The following BCR variants were observed in gnomAD, a reference collection of about 807,000 sequenced individuals.
BCR encodes breakpoint cluster region protein.
A neutral mutation model predicts 138.6 loss-of-function variants in BCR; 58 were observed. The ratio of observed to expected loss-of-function variants is 0.42; its 90% CI spans 0.34 to 0.52. The LOEUF is 0.52. Among genes scored for constraint, BCR ranks in the 20% least tolerant of loss-of-function variants. The pLI is 0.06. For missense variants in BCR, 1,599 were observed against 1,727.2 expected (o/e 0.93, Z 1.32); for synonymous variants, 786 against 730.1 (o/e 1.08, Z -1.23).
rs2073966604 is a variant in BCR, at chr22:23,307,835, C to T, written c.3013-1589C>T. ...GCTGAGCAGGTGCAGGGAGGGAGGCCCAGGTGCACACACCTGTGAAGTAGG... is the reference window on the plus strand; with the variant it reads ...GCTGAGCAGGTGCAGGGAGGGAGGCTCAGGTGCACACACCTGTGAAGTAGG... On this transcript the variant is annotated intron_variant, in intron 16 of 22. Coordinates refer to ENST00000305877, the MANE Select transcript of BCR (RefSeq NM_004327.4). 3 of 119,514 alleles carry T rather than the reference C, an allele frequency of 2.5e-5. No homozygotes were observed. In the Admixed American group the frequency reaches 2.8e-4, roughly 11 times the overall value. 7.4% of individuals were successfully genotyped at this position (119,514 alleles called of 1,614,324 possible).
chr22:23,304,359 A>G (rs560050357), intron 16 of BCR, among the ~76,000 whole-genome samples: 1 of 151,832 alleles, frequency 6.6e-6, no homozygotes, highest in South Asian at 2.1e-4. Context: ...TTTTTGACTG[A>G]TTTCCTCCAC....
At chr22:23,287,332 T>C in intron 11 of BCR, 54 bp downstream of exon 11, 4 of 1,482,356 alleles carry the variant, frequency 2.7e-6, no homozygotes, top group Admixed American at 2.4e-5. Flanking sequence ...GATGGGCTCC[T>C]GGTTGCCTAA....
intron 6 of BCR, among the ~76,000 whole-genome samples, chr22:23,272,591 C>T (rs1469266714): frequency 1.3e-5 from 2 of 152,070 alleles, no homozygotes; most frequent in African/African-American, 4.8e-5. Context: ...GGCAGGTCGC[C>T]AGAGAACCTG....
At position 23,266,750 on chromosome 22, in the gene BCR, C is replaced by T. The variant is rs143172258; in HGVS notation, c.1753-1658C>T. 1.8e-3 allele frequency among the ~76,000 whole-genome samples: 267 copies of T among 152,368 alleles called. 2 individuals are homozygous for T. The highest frequency in any genetic ancestry group is 6.8e-3 in the Middle Eastern group (2 of 294). On this transcript the variant is annotated intron_variant, in intron 4 of 22. Coordinates refer to ENST00000305877, the MANE Select transcript of BCR (RefSeq NM_004327.4). The stretch of plus-strand genomic sequence containing the variant: ...GCCAGTTTCCTCAGGAATAGCCTCA[C>T]GTTCTGCGTAACAGCACCACAGCAG...
intron 1 of BCR, among the ~76,000 whole-genome samples, chr22:23,209,030 C>T (rs541934084): frequency 6.6e-6 from 1 of 152,244 alleles, no homozygotes; most frequent in East Asian, 1.9e-4. Context: ...ACGTCATGTC[C>T]TCAAGGTTCA....
At chr22:23,237,373 C>T (rs948118044) in intron 1 of BCR, among the ~76,000 whole-genome samples, 6 of 152,170 alleles carry the variant, frequency 3.9e-5, no homozygotes, top group South Asian at 4.1e-4. Context: ...GCCTGGTTCC[C>T]GAGCCTGGCC....
chr22:23,221,216 C>T (rs935895810), intron 1 of BCR, among the ~76,000 whole-genome samples: 1 of 152,172 alleles, frequency 6.6e-6, no homozygotes, highest in Non-Finnish European at 1.5e-5. Flanking sequence ...TGGAAGATGA[C>T]CTGCTCATGC....
At chr22:23,252,432 CT>C (rs71200842) in intron 1 of BCR, among the ~76,000 whole-genome samples, 4,050 of 117,876 alleles carry the variant, frequency 0.034, 73 homozygotes, top group Admixed American at 0.06. Flanking sequence ...CTTTTCTTTT[CT>C]TTTTTTTTTT....
chr22:23,219,651 G>A (rs1282334091), intron 1 of BCR, among the ~76,000 whole-genome samples: 4 of 152,210 alleles, frequency 2.6e-5, no homozygotes, highest in Non-Finnish European at 5.9e-5. Context: ...CGGTGCGGGA[G>A]CACAGCTCCC....
intron 15 of BCR, among the ~76,000 whole-genome samples, chr22:23,292,923 C>A (rs555342646): frequency 6.6e-6 from 1 of 152,172 alleles, no homozygotes; most frequent in Non-Finnish European, 1.5e-5. Context: ...CCTTTGTTAG[C>A]GCTTATGTTT....
chr22:23,203,115 T>C (rs5759645), intron 1 of BCR, among the ~76,000 whole-genome samples: 71,193 of 151,906 alleles, frequency 0.47, 19,191 homozygotes, highest in East Asian at 0.91. Flanking sequence ...CCGCCTTGGC[T>C]TCTCCTGAAG....
intron 1 of BCR, among the ~76,000 whole-genome samples, chr22:23,226,049 G>A (rs955319934): frequency 2.0e-5 from 3 of 152,242 alleles, no homozygotes; most frequent in Non-Finnish European, 2.9e-5. Context: ...GGGACCTGCC[G>A]GAGCCTGGGT....
At chr22:23,254,844 C>T (rs2073275017) in intron 2 of BCR, among the ~76,000 whole-genome samples, 1 of 152,128 alleles carries the variant, frequency 6.6e-6, no homozygotes, top group African/African-American at 2.4e-5. Context: ...ATTACTTCCG[C>T]ACTCTGCTTA....
rs115663923 is a variant in BCR, at chr22:23,246,288, C to G, written c.1280-7511C>G. On this transcript the variant is annotated intron_variant, in intron 1 of 22. Coordinates refer to ENST00000305877, the MANE Select transcript of BCR (RefSeq NM_004327.4). Reference sequence around the variant, plus strand: ...AAAAAGAAAAAAAAAATTATTTTAGCTGGACATAATGGCACACACCTGTAA... The same window carrying G: ...AAAAAGAAAAAAAAAATTATTTTAGGTGGACATAATGGCACACACCTGTAA... Among the ~76,000 whole-genome samples the G allele has an allele frequency of 3.4e-3, 516 of 152,236 alleles. 4 individuals are homozygous for G. The highest frequency in any genetic ancestry group is 0.012 in the African/African-American group (484 of 41,528).
At chr22:23,288,770 C>T (rs922680475) in intron 12 of BCR, among the ~76,000 whole-genome samples, 3 of 152,204 alleles carry the variant, frequency 2.0e-5, no homozygotes, top group African/African-American at 4.8e-5. Context: ...CCTTCCTTCT[C>T]TGGGCACTTC....
At chr22:23,209,347 G>A (rs1480327902) in intron 1 of BCR, among the ~76,000 whole-genome samples, 2 of 151,274 alleles carry the variant, frequency 1.3e-5, no homozygotes, top group African/African-American at 4.9e-5. Context: ...GCTACAGAGT[G>A]AGACTCTGTC....
chr22:23,201,576 G>A (rs1279369688), intron 1 of BCR, among the ~76,000 whole-genome samples: 2 of 152,098 alleles, frequency 1.3e-5, no homozygotes, highest in Non-Finnish European at 2.9e-5. Context: ...TCCTGCCTCC[G>A]CCTCCTGAGT....
Position 23,315,479 on chromosome 22 carries a change from C to G in BCR, c.3773C>G (p.Pro1258Arg). ...YFLQLEAIPA[P>R]DSKRQSILFS... ...CTGCAGCTGGAGGCCATCCCTGCCC[C>G]GGACAGCAAGAGACAGAGCATCCTG... The change falls in exon 23 of 23, where the codon CCG becomes CGG. Residue 1258 changes from proline to arginine, a missense_variant. Physicochemically the swap from Pro to Arg is moderately radical, Grantham distance 103. Around this residue, in one of 4 missense-constraint regions of BCR, gnomAD observed 177 missense variants for 226.4 expected, o/e 0.78. Coordinates refer to ENST00000305877, the MANE Select transcript of BCR (RefSeq NM_004327.4). The G allele has an allele frequency of 6.2e-7, 1 of 1,613,012 alleles. No individual in the cohort carries two copies. The highest frequency in any genetic ancestry group is 8.5e-7 in the Non-Finnish European group (1 of 1,179,984).
At chr22:23,226,720 G>A (rs2072898643) in intron 1 of BCR, among the ~76,000 whole-genome samples, 1 of 152,246 alleles carries the variant, frequency 6.6e-6, no homozygotes, top group South Asian at 2.1e-4. Context: ...AGTTGAGACA[G>A]ATGCCATGTG....
Sources: gnomAD v4.1 joint callset for allele counts (sites outside exome capture counted in the v4.1 genomes callset) on GRCh38, gnomAD v4.1.1 for gene constraint, gnomAD v4.1.1 regional missense constraint, MANE v1.5 for transcripts, NCBI Gene and HGNC (gene_info 2026-07-23, HGNC 2026-07-21) for gene names.